The following RBMS3 variants were observed in gnomAD, a reference collection of about 807,000 sequenced individuals.
RBMS3 encodes the protein RNA-binding motif, single-stranded-interacting protein 3.
A neutral mutation model predicts 66.8 loss-of-function variants in RBMS3; 27 were observed. The ratio of observed to expected loss-of-function variants is 0.40; its 90% confidence interval spans 0.30 to 0.56. The LOEUF is 0.56. Ranked by LOEUF, RBMS3 falls within the 20% of genes least tolerant of loss-of-function variation. The probability of loss-of-function intolerance (pLI) is 0.40; values close to 1 mark genes in which losing one functional copy is unlikely to be tolerated. For missense variants in RBMS3, 513 were observed against 549.5 expected (o/e 0.93, Z 0.66); for synonymous variants, 188 against 183.0 (o/e 1.03, Z -0.22).
intron 1 of RBMS3, among the ~76,000 whole-genome samples, chr3:29,386,447 AT>A (rs1463869948): frequency 6.6e-6 from 1 of 151,976 alleles, no homozygotes; most frequent in Non-Finnish European, 1.5e-5. Flanking sequence ...CAACCCTTCC[AT>A]ACTACCAACA....
At chr3:29,982,329 G>A (rs565739495) in intron 12 of RBMS3, among the ~76,000 whole-genome samples, 117 of 151,902 alleles carry the variant, frequency 7.7e-4, no homozygotes, top group Non-Finnish European at 1.3e-3. Flanking sequence ...TATTAGTCTG[G>A]CTAATAGTCT....
chr3:29,418,844 T>C (rs2040585486), intron 1 of RBMS3, among the ~76,000 whole-genome samples: 1 of 152,170 alleles, frequency 6.6e-6, no homozygotes, highest in African/African-American at 2.4e-5. Flanking sequence ...TCTCTCATTT[T>C]ATTTTTATCT....
intron 11 of RBMS3, among the ~76,000 whole-genome samples, chr3:29,939,474 G>A (rs1459494618): frequency 2.0e-5 from 3 of 151,936 alleles, no homozygotes; most frequent in African/African-American, 7.2e-5. Flanking sequence ...TAGTACAGCT[G>A]TTGTGATGGC....
intron 4 of RBMS3, among the ~76,000 whole-genome samples, chr3:29,591,258 G>T (rs1037951154): frequency 3.3e-5 from 5 of 152,138 alleles, no homozygotes; most frequent in African/African-American, 1.2e-4. Flanking sequence ...TCAAAGCTGT[G>T]ATTGCATCTG....
At chr3:29,999,901 A>T (rs958206117) in intron 14 of RBMS3, among the ~76,000 whole-genome samples, 12 of 151,992 alleles carry the variant, frequency 7.9e-5, no homozygotes, top group African/African-American at 2.7e-4. Flanking sequence ...TAAAACTTAA[A>T]GTATAATAAT....
At chr3:29,332,105 T>C (rs1346971575) in intron 1 of RBMS3, among the ~76,000 whole-genome samples, 1 of 152,090 alleles carries the variant, frequency 6.6e-6, no homozygotes, top group Non-Finnish European at 1.5e-5. Flanking sequence ...GTGATAACAG[T>C]CTTTGTGACT....
intron 12 of RBMS3, among the ~76,000 whole-genome samples, chr3:29,954,918 G>A (rs945141016): frequency 6.6e-6 from 1 of 151,974 alleles, no homozygotes; most frequent in African/African-American, 2.4e-5. Context: ...GAACAATTAG[G>A]AGTTACCTTA....
chr3:29,333,208 C>T (rs1176840223), intron 1 of RBMS3, among the ~76,000 whole-genome samples: 2 of 152,076 alleles, frequency 1.3e-5, no homozygotes, highest in Non-Finnish European at 2.9e-5. Flanking sequence ...AACTCTAAAA[C>T]TATATTTAGT....
chr3:29,909,511 T>C (rs1214191957), intron 10 of RBMS3, among the ~76,000 whole-genome samples: 1 of 152,140 alleles, frequency 6.6e-6, no homozygotes, highest in Non-Finnish European at 1.5e-5. Context: ...GAAGGCTTCC[T>C]GCTGTCTGAG....
At chr3:29,903,209 T>C (rs1287533328) in intron 10 of RBMS3, 25 of 151,896 alleles carry the variant, frequency 1.6e-4, no homozygotes, top group Admixed American at 1.6e-3. Context: ...AGAAAAGAGA[T>C]TTCTGTTACT....
At chr3:29,872,361 A>G (rs2059511864) in intron 7 of RBMS3, among the ~76,000 whole-genome samples, 1 of 152,144 alleles carries the variant, frequency 6.6e-6, no homozygotes, top group Non-Finnish European at 1.5e-5. Flanking sequence ...CTGGCTCAGT[A>G]AAAAATGGCC....
rs140533170 is a variant in RBMS3, at chr3:29,485,695, T to C, written c.249-2746T>C. ...ACTGTGGATAGTATTTTATCTCCTC[T>C]AGCTGTAAGAAATGAAAGGATAGAT... is the stretch of plus-strand genomic sequence containing the variant. On this transcript the variant is annotated intron_variant, in intron 2 of 14. Transcript: ENST00000383767. Among the ~76,000 whole-genome samples, 102 of 152,348 alleles carry C rather than the reference T, an allele frequency of 6.7e-4. 1 individual carries two copies. Among genetic ancestry groups the C allele is most frequent in the African/African-American group, 2.3e-3 (96 of 41,588 alleles).
chr3:29,484,896 G>T (rs1387505311), intron 2 of RBMS3, among the ~76,000 whole-genome samples: 1 of 152,126 alleles, frequency 6.6e-6, no homozygotes, highest in African/African-American at 2.4e-5. Flanking sequence ...AATATAGAAG[G>T]CATGTGAAAA....
Position 29,281,645 on chromosome 3 carries a change from T to A in RBMS3, c.-37T>A. On this transcript the variant is annotated 5_prime_UTR_variant, in exon 1 of 15. Coordinates refer to ENST00000383767, the MANE Select transcript of RBMS3 (RefSeq NM_001003793.3). ...CGGCCTGGGGCACTATACCCTGTCATCCAGTTCCCTGCCTCGGAGATAAAG... is the reference window on the plus strand; with the variant it reads ...CGGCCTGGGGCACTATACCCTGTCAACCAGTTCCCTGCCTCGGAGATAAAG... The A allele has an allele frequency of 1.3e-6, 2 of 1,576,410 alleles. No homozygotes were observed. Among genetic ancestry groups the A allele is most frequent in the Non-Finnish European group, 1.7e-6 (2 of 1,146,012 alleles).
chr3:29,541,445 G>C (rs12491725), intron 3 of RBMS3, among the ~76,000 whole-genome samples: 40,444 of 151,710 alleles, frequency 0.27, 7,615 homozygotes, highest in African/African-American at 0.52. Flanking sequence ...TTTTTTCATT[G>C]ATGCCCTTCC....
intron 6 of RBMS3, among the ~76,000 whole-genome samples, chr3:29,836,489 T>A (rs962143760): frequency 2.0e-5 from 3 of 151,864 alleles, no homozygotes; most frequent in African/African-American, 7.3e-5. Flanking sequence ...CACTTAAACA[T>A]GGAATCTAGA....
At chr3:29,305,069 A>G (rs1204873522) in intron 1 of RBMS3, among the ~76,000 whole-genome samples, 1 of 151,662 alleles carries the variant, frequency 6.6e-6, no homozygotes, top group Non-Finnish European at 1.5e-5. Context: ...CTGTTGCTCC[A>G]ATATGCCCAG....
intron 1 of RBMS3, among the ~76,000 whole-genome samples, chr3:29,382,491 C>T (rs1390258437): frequency 6.6e-6 from 1 of 152,152 alleles, no homozygotes; most frequent in Non-Finnish European, 1.5e-5. Flanking sequence ...AATTGCCTCA[C>T]TTAAGAAATG....
chr3:29,414,999 A>C (rs2040422569), intron 1 of RBMS3, among the ~76,000 whole-genome samples: 1 of 152,208 alleles, frequency 6.6e-6, no homozygotes, highest in South Asian at 2.1e-4. Flanking sequence ...AATAGAATAA[A>C]ATGAGGATAT....
Sources: allele counts gnomAD v4.1 joint callset (sites outside exome capture counted in the v4.1 genomes callset), GRCh38; gene constraint gnomAD v4.1.1; transcripts MANE v1.5; gene names NCBI Gene and HGNC (gene_info 2026-07-23, HGNC 2026-07-21).